GPC5: variants seen among roughly 807,000 people sequenced by gnomAD.
GPC5 encodes glypican-5.
In GPC5, 47 loss-of-function variants were observed where a neutral mutation model predicts 53.9. The observed-to-expected ratio is 0.87, with a 90% CI of 0.69 to 1.11. GPC5 has a LOEUF of 1.11. Ranked by LOEUF, GPC5 falls within the 50% of genes most tolerant of loss-of-function variation. GPC5 has a pLI of 0.00. For synonymous variants in GPC5, 286 were observed against 263.3 expected, an observed-to-expected ratio of 1.09 and a Z score of -0.84; for missense variants, 748 against 713.1, an observed-to-expected ratio of 1.05 and a Z score of -0.56.
intron 1 of GPC5, among the ~76,000 whole-genome samples, chr13:91,408,883 C>T (rs1276804632): frequency 1.3e-5 from 2 of 152,090 alleles, no homozygotes; most frequent in Non-Finnish European, 2.9e-5. Context: ...CCTTGTTTTA[C>T]AGTTTCAAGA....
At chr13:92,192,983 T>G (rs973082753) in intron 7 of GPC5, among the ~76,000 whole-genome samples, 7 of 152,158 alleles carry the variant, frequency 4.6e-5, no homozygotes, top group Non-Finnish European at 8.8e-5. Flanking sequence ...GAGACCAGCC[T>G]GGCCAACATA....
intron 2 of GPC5, among the ~76,000 whole-genome samples, chr13:91,618,767 C>T (rs1481202619): frequency 6.6e-6 from 1 of 151,900 alleles, no homozygotes; most frequent in African/African-American, 2.4e-5. Flanking sequence ...TGGCACTGGG[C>T]AAATGATTGA....
chr13:91,844,217 T>A (rs1649351879), intron 5 of GPC5, among the ~76,000 whole-genome samples: 1 of 151,786 alleles, frequency 6.6e-6, no homozygotes, highest in South Asian at 2.1e-4. Context: ...GGAAAAGGAG[T>A]GGTAATCAAC....
At chr13:92,771,487 C>T (rs762177775) in intron 7 of GPC5, among the ~76,000 whole-genome samples, 7 of 151,992 alleles carry the variant, frequency 4.6e-5, no homozygotes, top group Admixed American at 6.5e-5. Context: ...GGATTACAGG[C>T]GCCTGCCACC....
intron 7 of GPC5, among the ~76,000 whole-genome samples, chr13:92,533,630 G>GC (rs1415075499): frequency 2.0e-5 from 3 of 152,050 alleles, no homozygotes; most frequent in Non-Finnish European, 4.4e-5. Flanking sequence ...AGAAACTCAA[G>GC]CCCCATAGCG....
intron 7 of GPC5, among the ~76,000 whole-genome samples, chr13:92,171,803 CA>C (rs2042072460): frequency 6.6e-6 from 1 of 152,138 alleles, no homozygotes. Flanking sequence ...TTCTGAAACT[CA>C]CACACATATA....
chr13:92,670,574 T>C (rs527460063), intron 7 of GPC5, among the ~76,000 whole-genome samples: 11 of 152,220 alleles, frequency 7.2e-5, no homozygotes, highest in Middle Eastern at 3.2e-3. Context: ...AGATGATTTC[T>C]CATTCTTTCC....
intron 7 of GPC5, among the ~76,000 whole-genome samples, chr13:92,568,534 C>T (rs1235005057): frequency 6.6e-6 from 1 of 152,108 alleles, no homozygotes; most frequent in Non-Finnish European, 1.5e-5. Flanking sequence ...ATAACATTCT[C>T]ATTTAGGTTT....
At chr13:92,742,436 G>T (rs1889128682) in intron 7 of GPC5, among the ~76,000 whole-genome samples, 1 of 151,946 alleles carries the variant, frequency 6.6e-6, no homozygotes, top group Non-Finnish European at 1.5e-5. Flanking sequence ...GGGGTTGTTT[G>T]TTTTTTTCTT....
At chr13:91,409,108 C>A (rs970140037) in intron 1 of GPC5, among the ~76,000 whole-genome samples, 1 of 152,088 alleles carries the variant, frequency 6.6e-6, no homozygotes. Flanking sequence ...TTGAATAACT[C>A]TCTTATTCGG....
chr13:92,037,181 G>A (rs991851734), intron 6 of GPC5, among the ~76,000 whole-genome samples: 27 of 151,590 alleles, frequency 1.8e-4, no homozygotes, highest in African/African-American at 2.9e-4. Flanking sequence ...TGATGTCTGC[G>A]TGCACACACA....
intron 6 of GPC5, among the ~76,000 whole-genome samples, chr13:92,126,992 A>G (rs1200203003): frequency 6.6e-6 from 1 of 152,104 alleles, no homozygotes; most frequent in Admixed American, 6.5e-5. Flanking sequence ...TTTCCACTCA[A>G]CCCTTAAGTC....
chr13:92,101,760 T>TTGTTA (rs2041469170), intron 6 of GPC5, among the ~76,000 whole-genome samples: 1 of 152,224 alleles, frequency 6.6e-6, no homozygotes, highest in African/African-American at 2.4e-5. Context: ...AACCTGTTGT[T>TTGTTA]TAACAGTTTT....
chr13:91,432,155 T>A (rs1879499009), intron 1 of GPC5, among the ~76,000 whole-genome samples: 1 of 151,010 alleles, frequency 6.6e-6, no homozygotes, highest in Non-Finnish European at 1.5e-5. Context: ...AATTTTCTCA[T>A]CCCTCATGTA....
rs566021146 is a variant in GPC5, at chr13:92,317,628, G to C, written c.1561+172639G>C. On this transcript the variant is annotated intron_variant, in intron 7 of 7. Transcript: ENST00000377067. ...CATGCCTCAGCCTCCTGAGAAGCTG[G>C]GCTTACAGGCATGCACAATCATGTC... Among the ~76,000 whole-genome samples the C allele has an allele frequency of 6.9e-4, 104 of 151,770 alleles. 1 individual carries two copies. The highest frequency in any genetic ancestry group is 1.3e-3 in the Non-Finnish European group (87 of 67,952).
At chr13:92,643,357 C>A (rs1244718159) in intron 7 of GPC5, among the ~76,000 whole-genome samples, 1 of 151,990 alleles carries the variant, frequency 6.6e-6, no homozygotes, top group Non-Finnish European at 1.5e-5. Context: ...TACCATTTGA[C>A]CCAGCCATCC....
At chr13:91,460,434 A>G (rs1644411492) in intron 2 of GPC5, among the ~76,000 whole-genome samples, 1 of 151,596 alleles carries the variant, frequency 6.6e-6, no homozygotes, top group Non-Finnish European at 1.5e-5. Flanking sequence ...AGTAGCTGGG[A>G]TTATAGGTGT....
chr13:91,707,600 G>A (rs1324279097), intron 3 of GPC5, among the ~76,000 whole-genome samples: 2 of 152,090 alleles, frequency 1.3e-5, no homozygotes, highest in Non-Finnish European at 2.9e-5. Context: ...CAGCTTGGGT[G>A]ACAGAGCAAG....
intron 6 of GPC5, among the ~76,000 whole-genome samples, chr13:92,081,421 G>A (rs1013334426): frequency 2.0e-5 from 3 of 152,168 alleles, no homozygotes; most frequent in African/African-American, 7.2e-5. Flanking sequence ...CATCTTGTTC[G>A]CAGAACATAG....
Sources: allele counts gnomAD v4.1 joint callset (sites outside exome capture counted in the v4.1 genomes callset), GRCh38; gene constraint gnomAD v4.1.1; transcripts MANE v1.5; gene names NCBI Gene and HGNC (gene_info 2026-07-23, HGNC 2026-07-21).